CCM2: variants seen among roughly 807,000 people sequenced by gnomAD.
CCM2 encodes the protein CCM2 scaffold protein.
In CCM2, 25 loss-of-function variants were observed where a neutral mutation model predicts 44.9. The observed-to-expected ratio is 0.56, with a 90% confidence interval of 0.41 to 0.78. CCM2 has a LOEUF of 0.78. Ranked by LOEUF, CCM2 falls within the 30% of genes least tolerant of loss-of-function variation. The pLI is 0.00. For missense variants in CCM2, 481 were observed against 580.6 expected, an observed-to-expected ratio of 0.83 and a Z score of 1.76; for synonymous variants, 219 against 241.1, an observed-to-expected ratio of 0.91 and a Z score of 0.85.
chr7:45,037,673 C>T (rs575739583), intron 1 of CCM2, among the ~76,000 whole-genome samples: 1 of 152,288 alleles, frequency 6.6e-6, no homozygotes, highest in East Asian at 1.9e-4. Context: ...CCGCCTCAGC[C>T]TCCCAAAGTG....
intron 9 of CCM2, 53 bp from the exon 10 acceptor site, chr7:45,075,724 T>A: frequency 6.2e-7 from 1 of 1,611,724 alleles, no homozygotes; most frequent in African/African-American, 1.3e-5. Flanking sequence ...AGAGAAGAGC[T>A]GAGTGGGCTG....
In CCM2 at chr7:45,000,312, C is replaced by G; in HGVS notation, c.-22C>G. ...GGCTCCCGGGGCGGGCCGGGCGGGC[C>G]GCGGGAGCCGCACGCGGCGATATGG... On this transcript the variant is annotated 5_prime_UTR_variant, in exon 1 of 10. Transcript: ENST00000258781. 8.0e-7 allele frequency: 1 copy of G among 1,249,834 alleles called. No individual in the cohort carries two copies. The highest frequency in any genetic ancestry group is 3.3e-5 in the East Asian group (1 of 30,392). The allele number at this position is 1,249,834 out of a possible 1,614,324, so 77.4% of individuals were successfully genotyped here. A position where few individuals can be genotyped will look rare whatever the true frequency, so the allele number is the denominator to read the frequency against.
rs541329846 is a variant in CCM2, at chr7:45,073,359, G to T, written c.804-101G>T. 3.9e-6 allele frequency: 3 copies of T among 766,708 alleles called. No homozygotes were observed. The South Asian group carries it at 4.4e-5, about 11-fold the overall frequency. 47.5% of individuals were successfully genotyped at this position (766,708 alleles called of 1,614,324 possible). A position where few individuals can be genotyped will look rare whatever the true frequency, so the allele number is the denominator to read the frequency against. Reference sequence around the variant, plus strand: ...TCATCACTTACATTCCTCTGTTCAAGGACAGGGACCCACACACACGGCATG... The same window carrying T: ...TCATCACTTACATTCCTCTGTTCAATGACAGGGACCCACACACACGGCATG... On this transcript the variant is annotated intron_variant, in intron 7 of 9. Transcript: ENST00000258781.
intron 1 of CCM2, among the ~76,000 whole-genome samples, chr7:45,023,019 G>A (rs142815955): frequency 2.6e-5 from 4 of 152,230 alleles, no homozygotes; most frequent in Non-Finnish European, 5.9e-5. Flanking sequence ...GGGATTACAG[G>A]CATGAGCCAC....
Position 45,012,882 on chromosome 7 carries a change from G to A in CCM2, c.30+12519G>A, listed in dbSNP as rs559567743. 2.6e-5 allele frequency among the ~76,000 whole-genome samples: 4 copies of A among 152,244 alleles called. No individual in the cohort carries two copies. The South Asian group carries it at 6.2e-4, about 24-fold the overall frequency. On this transcript the variant is annotated intron_variant, in intron 1 of 9. Coordinates refer to ENST00000258781, the MANE Select transcript of CCM2 (RefSeq NM_031443.4). ...CTTATGCTGCATGTTTGCATGGTGTGTGTCTTTCAACAAGTCTGGAGTTTT... is the reference window on the plus strand; with the variant it reads ...CTTATGCTGCATGTTTGCATGGTGTATGTCTTTCAACAAGTCTGGAGTTTT...
At chr7:45,041,659 A>G (rs559456630) in intron 2 of CCM2, among the ~76,000 whole-genome samples, 226 of 152,320 alleles carry the variant, frequency 1.5e-3, no homozygotes, top group African/African-American at 5.1e-3. Flanking sequence ...GATAGAAAGG[A>G]CTGTGGTCCT....
intron 5 of CCM2, among the ~76,000 whole-genome samples, chr7:45,069,153 C>T (rs1156555989): frequency 1.3e-5 from 2 of 152,220 alleles, no homozygotes; most frequent in Non-Finnish European, 2.9e-5. Context: ...TGTTTAATTT[C>T]CATATCTGTA....
intron 1 of CCM2, among the ~76,000 whole-genome samples, chr7:45,012,710 A>G (rs1338593016): frequency 6.7e-6 from 1 of 149,672 alleles, no homozygotes; most frequent in Non-Finnish European, 1.5e-5. Context: ...GTGCGCCACC[A>G]TGCCTGGCTA....
chr7:45,061,459 T>TC lies in CCM2; in HGVS notation c.205-2459_205-2458insC, dbSNP rs200272728. Among the ~76,000 whole-genome samples the TC allele has an allele frequency of 6.1e-3, 888 of 146,192 alleles. 7 individuals carry two copies. Among genetic ancestry groups the TC allele is most frequent in the African/African-American group, 0.02 (795 of 39,446 alleles). Reference sequence around the variant, plus strand: ...ATGCCTTTTTCTTTCTTTCTTTCTTTTTTTTTTTTTTTTTTTGAGATGACC... The same window carrying TC: ...ATGCCTTTTTCTTTCTTTCTTTCTTTCTTTTTTTTTTTTTTTTGAGATGACC... On this transcript the variant is annotated intron_variant, in intron 2 of 9. Coordinates refer to ENST00000258781, the MANE Select transcript of CCM2 (RefSeq NM_031443.4).
intron 4 of CCM2, among the ~76,000 whole-genome samples, chr7:45,066,860 C>T (rs1798801844): frequency 6.6e-6 from 1 of 151,254 alleles, no homozygotes; most frequent in East Asian, 1.9e-4. Context: ...TCTTACCAAA[C>T]TCATACCAAA....
At chr7:45,070,628 A>G in intron 6 of CCM2, 1 of 324,350 alleles carries the variant, frequency 3.1e-6, no homozygotes, top group South Asian at 2.3e-5. Flanking sequence ...TTGAGGATTA[A>G]TGGGTTATAT....
At chr7:45,030,848 C>T (rs528856446) in intron 1 of CCM2, among the ~76,000 whole-genome samples, 27 of 152,140 alleles carry the variant, frequency 1.8e-4, no homozygotes, top group Admixed American at 9.8e-4. Flanking sequence ...CTCAGCCTCC[C>T]GAGTAGCTGG....
chr7:45,010,165 C>G (rs1022339104), intron 1 of CCM2, among the ~76,000 whole-genome samples: 1 of 152,192 alleles, frequency 6.6e-6, no homozygotes, highest in African/African-American at 2.4e-5. Flanking sequence ...TCTGTCTCGG[C>G]CTGCCAAAGT....
intron 6 of CCM2, 144 bp from the exon 7 acceptor site, chr7:45,072,582 T>C: frequency 1.4e-6 from 1 of 716,828 alleles, no homozygotes. Context: ...CATTCCAGAG[T>C]GCGGGCAGCT....
In CCM2 at chr7:45,030,719, T is replaced by C. The variant is rs564538548; in HGVS notation, c.31-7534T>C. Reference sequence around the variant, plus strand: ...TGTGAGCCACTGTGCCTGCCCTCAATTTATTTTATTTATTTTTTTCTTGAG... The same window carrying C: ...TGTGAGCCACTGTGCCTGCCCTCAACTTATTTTATTTATTTTTTTCTTGAG... On this transcript the variant is annotated intron_variant, in intron 1 of 9. Transcript: ENST00000258781. Among the ~76,000 whole-genome samples, 8 of 152,208 alleles carry C rather than the reference T, an allele frequency of 5.3e-5. No individual in the cohort carries two copies. In the East Asian group the frequency reaches 1.4e-3, roughly 26 times the overall value.
At chr7:45,012,332 C>T (rs1417616777) in intron 1 of CCM2, among the ~76,000 whole-genome samples, 1 of 151,066 alleles carries the variant, frequency 6.6e-6, no homozygotes, top group East Asian at 2.0e-4. Context: ...CGGGGTTTTG[C>T]CATGTTAGCC....
intron 4 of CCM2, chr7:45,067,780 T>C (rs1798855728): frequency 6.4e-6 from 1 of 155,954 alleles, no homozygotes; most frequent in South Asian, 1.9e-4. Flanking sequence ...ACGGCCTTCT[T>C]CTCCCTCCTG....
In CCM2 at chr7:45,074,212, C is replaced by T. The variant is rs540000312; in HGVS notation, c.916-58C>T. On this transcript the variant is annotated intron_variant, in intron 8 of 9. Transcript: ENST00000258781. The stretch of plus-strand genomic sequence containing the variant: ...GTTAGTGGCTGTGGCAAGGTGGGCC[C>T]GACTGCCGACTCTTGCCTACTGTGC... The T allele has an allele frequency of 5.3e-5, 86 of 1,610,624 alleles. No homozygotes were observed. The South Asian group carries it at 5.5e-4, about 10-fold the overall frequency.
chr7:45,046,920 G>A (rs1389717454), intron 2 of CCM2, among the ~76,000 whole-genome samples: 3 of 152,144 alleles, frequency 2.0e-5, no homozygotes. Context: ...AAAGACAGGA[G>A]GAGATACTTC....
Sources: gnomAD v4.1 joint callset for allele counts (sites outside exome capture counted in the v4.1 genomes callset) on GRCh38, gnomAD v4.1.1 for gene constraint, MANE v1.5 for transcripts, NCBI Gene and HGNC (gene_info 2026-07-23, HGNC 2026-07-21) for gene names.